Variants in AHCY observed in about 807,000 individuals in gnomAD.
AHCY encodes the protein adenosylhomocysteinase.
AHCY carries 24 observed loss-of-function variants against 45.4 expected under a neutral mutation model. The ratio of observed to expected loss-of-function variants is 0.53; its 90% CI spans 0.38 to 0.74. The LOEUF (loss-of-function observed/expected upper bound fraction) is 0.74, where lower values mean the gene tolerates loss of function less well. Ranked by LOEUF, AHCY falls within the 30% of genes least tolerant of loss-of-function variation. The pLI, the probability that AHCY is intolerant of heterozygous loss-of-function variation, is 0.00. For synonymous variants in AHCY, 245 were observed against 235.1 expected (o/e 1.04, Z -0.39); for missense variants, 449 against 594.1 (o/e 0.76, Z 2.54).
chr20:34,247,618 T>G, the AHCY span, among the ~76,000 whole-genome samples: 1 of 150,756 alleles, frequency 6.6e-6, no homozygotes, highest in Non-Finnish European at 1.5e-5. Flanking sequence ...TTATATGACT[T>G]TTTTTTTTGA....
At chr20:34,235,371 C>T in the AHCY span, among the ~76,000 whole-genome samples, 4 of 152,018 alleles carry the variant, frequency 2.6e-5, no homozygotes, top group African/African-American at 7.3e-5. Flanking sequence ...AGCGGGGAGG[C>T]GGAGGTTGCA....
rs369933502 is a variant in AHCY at position 34,295,561 on chromosome 20, C to T, written c.53G>A (p.Gly18Glu). 8.7e-6 allele frequency: 14 copies of T among 1,614,124 alleles called. No individual in the cohort carries two copies. Among genetic ancestry groups the T allele is most frequent in the Non-Finnish European group, 1.2e-5 (14 of 1,180,012 alleles). ...CTCAGCAATGTCCAGGGCCTTGCGT[C>T]CCCAGGCAGCCAGGCCGATGTCGGC... ...KVADIGLAAW[G>E]RKALDIAENE... The change falls in exon 2 of 10, where the codon GGA becomes GAA. Residue 18 changes from glycine (G) to glutamate (E), a missense_variant. Transcript: ENST00000217426.
the AHCY span, among the ~76,000 whole-genome samples, chr20:34,233,438 C>A: frequency 6.6e-6 from 1 of 152,068 alleles, no homozygotes; most frequent in Middle Eastern, 3.2e-3. Flanking sequence ...TGAGCCACCG[C>A]GCCCGGCCCA....
chr20:34,304,644 C>T (rs1252784292), upstream of AHCY, among the ~76,000 whole-genome samples: 2 of 151,828 alleles, frequency 1.3e-5, no homozygotes, highest in Admixed American at 1.3e-4. Flanking sequence ...CTCAGCCTCC[C>T]GAGTGGCTTG....
In AHCY at chr20:34,294,028, A is replaced by G. The variant is rs569626021; in HGVS notation, c.295+53T>C. On this transcript the variant is annotated intron_variant, in intron 3 of 9. Coordinates refer to ENST00000217426, the MANE Select transcript of AHCY (RefSeq NM_000687.4). ...GTTGCTCTAGCAGTCAGTGAAGCAA[A>G]GAGGGCAGAATCCCTTCACAAATTC... is the stretch of plus-strand genomic sequence containing the variant. 34 of 1,565,472 alleles carry G rather than the reference A, an allele frequency of 2.2e-5. No homozygotes were observed. The African/African-American group carries it at 4.1e-4, about 19-fold the overall frequency.
At chr20:34,287,682 G>A (rs921978236) in intron 8 of AHCY, among the ~76,000 whole-genome samples, 17 of 152,104 alleles carry the variant, frequency 1.1e-4, no homozygotes, top group Admixed American at 9.2e-4. Context: ...GTGTGCCACC[G>A]TGCCTGGCCA....
rs760287326 is a variant in AHCY, at chr20:34,281,177, C to G, written c.1168-12G>C. The G allele has an allele frequency of 1.9e-6, 3 of 1,612,386 alleles. No individual in the cohort carries two copies. The highest frequency in any genetic ancestry group is 2.7e-5 in the African/African-American group (2 of 74,890). ...ACTGCCTCATCCAGCTGGGGAGAAA[C>G]AAAGGAAGACCGGGAATCAGTGCCA... On this transcript the variant is annotated splice_polypyrimidine_tract_variant and intron_variant, in intron 9 of 9. Transcript: ENST00000217426.
chr20:34,302,839 G>T (rs1344895602), intron 1 of AHCY: 1 of 985,330 alleles, frequency 1.0e-6, no homozygotes, highest in Non-Finnish European at 1.2e-6. Context: ...GGCCCAGAGA[G>T]GGGTGGACGC....
chr20:34,264,539 A>C, the AHCY span, among the ~76,000 whole-genome samples: 1 of 152,218 alleles, frequency 6.6e-6, no homozygotes, highest in Non-Finnish European at 1.5e-5. Flanking sequence ...CAAGAAGCAA[A>C]GAAGAGTCAT....
chr20:34,257,034 C>T, the AHCY span, among the ~76,000 whole-genome samples: 1 of 150,704 alleles, frequency 6.6e-6, no homozygotes, highest in Non-Finnish European at 1.5e-5. Flanking sequence ...GAATTTCTTT[C>T]TTTCTTTTTC....
chr20:34,262,558 C>A, the AHCY span, among the ~76,000 whole-genome samples: 6 of 152,192 alleles, frequency 3.9e-5, no homozygotes, highest in Non-Finnish European at 7.3e-5. Context: ...AGGGACCAGG[C>A]CCCACAAGAG....
chr20:34,235,564 G>A, the AHCY span, among the ~76,000 whole-genome samples: 3 of 152,086 alleles, frequency 2.0e-5, no homozygotes, highest in East Asian at 5.8e-4. Context: ...GGCAACAGAA[G>A]TATATCTTTC....
intron 1 of AHCY, among the ~76,000 whole-genome samples, chr20:34,299,031 G>A (rs376915252): frequency 8.5e-5 from 13 of 152,136 alleles, no homozygotes; most frequent in South Asian, 4.2e-4. Flanking sequence ...AAATAACAGC[G>A]CAGCCCAACA....
the AHCY span, among the ~76,000 whole-genome samples, chr20:34,232,632 C>G: frequency 6.6e-6 from 1 of 152,176 alleles, no homozygotes; most frequent in Non-Finnish European, 1.5e-5. Context: ...GTCGTAATCA[C>G]CATACATAGC....
intron 1 of AHCY, chr20:34,302,919 G>A (rs2036828932): frequency 1.0e-6 from 1 of 985,360 alleles, no homozygotes; most frequent in African/African-American, 1.7e-5. Context: ...CCCCCGAGCA[G>A]GGTCCGGCAG....
At chr20:34,266,727 A>C in the AHCY span, among the ~76,000 whole-genome samples, 112 of 152,246 alleles carry the variant, frequency 7.4e-4, 1 homozygote, top group Non-Finnish European at 1.5e-3. Context: ...TTAGAAAGGC[A>C]CTAAGGACAC....
At chr20:34,270,482 G>A in the AHCY span, among the ~76,000 whole-genome samples, 5 of 152,258 alleles carry the variant, frequency 3.3e-5, no homozygotes, top group East Asian at 9.6e-4. Context: ...GGAAGATACC[G>A]CAGTCACTCC....
chr20:34,250,882 C>T, the AHCY span, among the ~76,000 whole-genome samples: 1 of 152,102 alleles, frequency 6.6e-6, no homozygotes, highest in Non-Finnish European at 1.5e-5. Context: ...ACAATACTCT[C>T]CCCAGTGCTG....
chr20:34,276,587 A>G (rs767179624), downstream of AHCY, among the ~76,000 whole-genome samples: 1 of 152,082 alleles, frequency 6.6e-6, no homozygotes, highest in Non-Finnish European at 1.5e-5. Context: ...GGAAAAGCCC[A>G]CCACCCAGCA....
Sources: allele counts gnomAD v4.1 joint callset (sites outside exome capture counted in the v4.1 genomes callset), GRCh38; gene constraint gnomAD v4.1.1; transcripts MANE v1.5; gene names NCBI Gene and HGNC (gene_info 2026-07-23, HGNC 2026-07-21).